The following GNA14 variants were observed in gnomAD, a reference collection of about 807,000 sequenced individuals.
The protein encoded by GNA14 is G protein subunit alpha 14.
GNA14 carries 50 observed loss-of-function variants against 42.0 expected under a neutral mutation model. That is an observed-to-expected ratio of 1.19 (90% CI 0.95 to 1.51). The LOEUF (loss-of-function observed/expected upper bound fraction) is 1.51, where lower values mean the gene tolerates loss of function less well. GNA14 is among the 40% of genes most tolerant of loss of function. The probability of loss-of-function intolerance (pLI) is 0.00; values close to 1 mark genes in which losing one functional copy is unlikely to be tolerated. For synonymous variants in GNA14, 173 were observed against 163.1 expected, an observed-to-expected ratio of 1.06 and a Z score of -0.46; for missense variants, 473 against 446.2, an observed-to-expected ratio of 1.06 and a Z score of -0.54.
In GNA14 at chr9:77,437,417, A is replaced by G. The variant is rs561801464; in HGVS notation, c.310-2895T>C. 5.3e-5 allele frequency among the ~76,000 whole-genome samples: 8 copies of G among 152,176 alleles called. No homozygotes were observed. In the East Asian group the frequency reaches 1.6e-3, roughly 29 times the overall value. ...AAAAATTAGCTGGGTTTGGTGGTGC[A>G]TGCCTGTCATCCCAGCTACTCGGGA... On this transcript the variant is annotated intron_variant, in intron 2 of 6. Transcript: ENST00000341700.
At chr9:77,509,789 A>G (rs1837130004) in intron 2 of GNA14, among the ~76,000 whole-genome samples, 1 of 152,160 alleles carries the variant, frequency 6.6e-6, no homozygotes, top group African/African-American at 2.4e-5. Flanking sequence ...CAAAAACGGC[A>G]ATTACTTTTG....
intron 2 of GNA14, among the ~76,000 whole-genome samples, chr9:77,476,815 A>G (rs759590777): frequency 4.6e-5 from 7 of 152,182 alleles, no homozygotes; most frequent in Non-Finnish European, 8.8e-5. Context: ...TTGGGGAGAA[A>G]CCCAAAAGAA....
intron 2 of GNA14, among the ~76,000 whole-genome samples, chr9:77,515,076 C>T (rs992582672): frequency 6.6e-6 from 1 of 152,060 alleles, no homozygotes. Context: ...CTGGACACTG[C>T]GAGAGACACG....
chr9:77,553,393 G>T (rs1438330767), intron 1 of GNA14, among the ~76,000 whole-genome samples: 2 of 152,028 alleles, frequency 1.3e-5, no homozygotes, highest in Admixed American at 1.3e-4. Flanking sequence ...AACAAGATCA[G>T]ACCTATATGG....
intron 1 of GNA14, among the ~76,000 whole-genome samples, chr9:77,609,495 T>C (rs1157310143): frequency 6.6e-6 from 1 of 152,172 alleles, no homozygotes; most frequent in Non-Finnish European, 1.5e-5. Context: ...CATTATCCAG[T>C]TTCAAAGCCA....
chr9:77,646,758 C>T (rs1426616030), intron 1 of GNA14, among the ~76,000 whole-genome samples: 1 of 152,186 alleles, frequency 6.6e-6, no homozygotes, highest in Non-Finnish European at 1.5e-5. Flanking sequence ...TAAAATATTC[C>T]TCAAACAGCA....
At chr9:77,549,202 G>A (rs181706007) in intron 1 of GNA14, among the ~76,000 whole-genome samples, 247 of 152,214 alleles carry the variant, frequency 1.6e-3, no homozygotes, top group African/African-American at 5.5e-3. Context: ...CCAAAGTGCC[G>A]GGATTACAGG....
chr9:77,427,324 T>TA lies in GNA14; in HGVS notation c.723+1582dup, dbSNP rs10710907. Among the ~76,000 whole-genome samples, 58 of 146,996 alleles carry TA rather than the reference T, an allele frequency of 3.9e-4. 2 individuals are homozygous for TA. The highest frequency in any genetic ancestry group is 8.7e-4 in the South Asian group (4 of 4,580). On this transcript the variant is annotated intron_variant, in intron 5 of 6. Transcript: ENST00000341700. Reference sequence around the variant, plus strand: ...TATTGATAACTGAATGTCTTGCCTTTAAAAAAAAAAAAAAAATCTCCAACT... The same window carrying TA: ...TATTGATAACTGAATGTCTTGCCTTTAAAAAAAAAAAAAAAAATCTCCAACT...
chr9:77,600,505 G>T (rs540643484), intron 1 of GNA14, among the ~76,000 whole-genome samples: 2 of 152,272 alleles, frequency 1.3e-5, no homozygotes, highest in African/African-American at 2.4e-5. Flanking sequence ...AGGCCCAAAA[G>T]ATACAAACTC....
At chr9:77,464,991 T>A (rs1424340438) in intron 2 of GNA14, among the ~76,000 whole-genome samples, 1 of 152,206 alleles carries the variant, frequency 6.6e-6, no homozygotes, top group East Asian at 1.9e-4. Flanking sequence ...AGGAAACTCC[T>A]GGGATGCCAG....
chr9:77,465,835 G>C (rs1012266398), intron 2 of GNA14, among the ~76,000 whole-genome samples: 1 of 152,042 alleles, frequency 6.6e-6, no homozygotes, highest in Non-Finnish European at 1.5e-5. Context: ...TTGACCTCCT[G>C]GGCTCAAGCA....
intron 2 of GNA14, among the ~76,000 whole-genome samples, chr9:77,526,065 C>T (rs12352394): frequency 1.3e-4 from 20 of 148,152 alleles, no homozygotes; most frequent in Admixed American, 8.1e-4. Flanking sequence ...TCACACCCGG[C>T]TAATTTTTGT....
chr9:77,644,042 A>C (rs1280296255), intron 1 of GNA14, among the ~76,000 whole-genome samples: 2 of 152,168 alleles, frequency 1.3e-5, no homozygotes, highest in South Asian at 4.1e-4. Flanking sequence ...CCTCCCGCCA[A>C]AGTTTTTATG....
chr9:77,526,327 T>C (rs1176668560), intron 2 of GNA14, among the ~76,000 whole-genome samples: 1 of 152,102 alleles, frequency 6.6e-6, no homozygotes, highest in East Asian at 1.9e-4. Flanking sequence ...GTACATGGGA[T>C]GGACATGAAT....
chr9:77,534,750 A>G (rs1837573787), intron 1 of GNA14, among the ~76,000 whole-genome samples: 1 of 152,202 alleles, frequency 6.6e-6, no homozygotes, highest in Non-Finnish European at 1.5e-5. Context: ...TTGGCTCTCT[A>G]AGGACAGGGA....
rs116938887 is a variant in GNA14, at chr9:77,499,485, T to A, written c.309+29584A>T. Among the ~76,000 whole-genome samples, 29 of 152,222 alleles carry A rather than the reference T, an allele frequency of 1.9e-4. No homozygotes were observed. The East Asian group carries it at 5.6e-3, about 29-fold the overall frequency. Reference sequence around the variant, plus strand: ...CATCTTAGCATATTATAAAAAGACTTCAAAATTTTGGCTTCTTTATCTACT... The same window carrying A: ...CATCTTAGCATATTATAAAAAGACTACAAAATTTTGGCTTCTTTATCTACT... On this transcript the variant is annotated intron_variant, in intron 2 of 6. Coordinates refer to ENST00000341700, the MANE Select transcript of GNA14 (RefSeq NM_004297.4).
intron 2 of GNA14, among the ~76,000 whole-genome samples, chr9:77,465,039 C>T (rs913892258): frequency 6.6e-6 from 1 of 152,188 alleles, no homozygotes; most frequent in East Asian, 1.9e-4. Flanking sequence ...CTCCTATAGG[C>T]TTTGGAGGGA....
intron 3 of GNA14, among the ~76,000 whole-genome samples, chr9:77,431,987 C>T (rs1835563263): frequency 6.6e-6 from 1 of 152,076 alleles, no homozygotes. Flanking sequence ...CTCTTGAAGA[C>T]ACTGGGAAAC....
At chr9:77,631,177 C>T (rs943236924) in intron 1 of GNA14, among the ~76,000 whole-genome samples, 3 of 152,096 alleles carry the variant, frequency 2.0e-5, no homozygotes, top group African/African-American at 7.2e-5. Context: ...CCCTTAACAC[C>T]TTACTTCCAT....
Sources: gnomAD v4.1 joint callset for allele counts (sites outside exome capture counted in the v4.1 genomes callset) on GRCh38, gnomAD v4.1.1 for gene constraint, MANE v1.5 for transcripts, NCBI Gene and HGNC (gene_info 2026-07-23, HGNC 2026-07-21) for gene names.